Variants in PIEZO2 observed in about 807,000 individuals in gnomAD.
PIEZO2 encodes the protein piezo-type mechanosensitive ion channel component 2.
In PIEZO2, 172 loss-of-function variants were observed where a neutral mutation model predicts 337.3. The observed-to-expected ratio is 0.51, with a 90% CI of 0.45 to 0.58. The LOEUF (loss-of-function observed/expected upper bound fraction) is 0.58, where lower values mean the gene tolerates loss of function less well. PIEZO2 is among the 20% of genes least tolerant of loss of function. The pLI, the probability that PIEZO2 is intolerant of heterozygous loss-of-function variation, is 0.00. For synonymous variants in PIEZO2, 1,251 were observed against 1,228.5 expected (o/e 1.02, Z -0.38); for missense variants, 3,028 against 3,391.3 (o/e 0.89, Z 2.66).
intron 2 of PIEZO2, among the ~76,000 whole-genome samples, chr18:11,014,656 C>T (rs1347836961): frequency 6.7e-6 from 1 of 150,318 alleles, no homozygotes; most frequent in Non-Finnish European, 1.5e-5. Flanking sequence ...TCCATGACCC[C>T]CTCATTCCTC....
At chr18:11,147,008 C>T (rs1024125828) in intron 1 of PIEZO2, among the ~76,000 whole-genome samples, 7 of 152,230 alleles carry the variant, frequency 4.6e-5, no homozygotes, top group Admixed American at 3.9e-4. Context: ...AACTCGGTCA[C>T]TAGCTTCCAA....
intron 53 of PIEZO2, among the ~76,000 whole-genome samples, chr18:10,675,510 T>G (rs1029298828): frequency 6.6e-6 from 1 of 152,248 alleles, no homozygotes; most frequent in Admixed American, 6.5e-5. Flanking sequence ...CATGTAAGTC[T>G]GTACAACAAG....
At chr18:10,975,741 A>C (rs879431641) in intron 3 of PIEZO2, among the ~76,000 whole-genome samples, 1 of 152,200 alleles carries the variant, frequency 6.6e-6, no homozygotes, top group Non-Finnish European at 1.5e-5. Flanking sequence ...GAGGGTATGC[A>C]TTTTAAATGG....
In PIEZO2 at chr18:10,979,970, C is replaced by T. The variant is rs2034602388; in HGVS notation, c.161-310G>A. ...CAAAACATTTTACAAGGAAGTGCTG[C>T]CAACTTTGAAGGGACAGATAACTCC... On this transcript the variant is annotated intron_variant, in intron 2 of 55. Transcript: ENST00000674853. This position sits in a 1 kb window ranked among gnomAD's most constrained non-coding sequence, Gnocchi z 4.0. Among the ~76,000 whole-genome samples, 1 of 152,000 alleles carries T rather than the reference C, an allele frequency of 6.6e-6. No individual in the cohort carries two copies.
chr18:10,983,033 T>G (rs1326625771), intron 2 of PIEZO2, among the ~76,000 whole-genome samples: 1 of 152,064 alleles, frequency 6.6e-6, no homozygotes, highest in Non-Finnish European at 1.5e-5. Flanking sequence ...AACCATAAGT[T>G]TAAACAAACA....
chr18:10,951,053 A>C (rs971551461), intron 3 of PIEZO2, among the ~76,000 whole-genome samples: 4 of 152,146 alleles, frequency 2.6e-5, no homozygotes, highest in Admixed American at 6.5e-5. Flanking sequence ...ATTGCTCCAA[A>C]AATGTAATTC....
intron 39 of PIEZO2, among the ~76,000 whole-genome samples, 178 bp from the exon 40 acceptor site, chr18:10,708,617 C>A (rs1157029709): frequency 2.6e-5 from 4 of 152,048 alleles, no homozygotes; most frequent in Admixed American, 1.3e-4. Context: ...GTGTGCAGGA[C>A]CTTGAAACAC....
At chr18:11,122,745 T>C (rs1476878703) in intron 1 of PIEZO2, among the ~76,000 whole-genome samples, 4 of 152,136 alleles carry the variant, frequency 2.6e-5, no homozygotes, top group African/African-American at 9.6e-5. Flanking sequence ...TTGGATAAAA[T>C]TGTCTTCATC....
intron 5 of PIEZO2, among the ~76,000 whole-genome samples, chr18:10,864,900 G>A (rs2041965803): frequency 6.6e-6 from 1 of 152,230 alleles, no homozygotes; most frequent in Non-Finnish European, 1.5e-5. Context: ...AGCCCCAGGA[G>A]GACAAGAGTG....
chr18:10,737,549 C>T (rs1443352768), intron 33 of PIEZO2: 5 of 152,202 alleles, frequency 3.3e-5, no homozygotes, highest in Admixed American at 2.0e-4. Flanking sequence ...ACTCTACTGA[C>T]CACAAGACAC....
In PIEZO2 at chr18:11,110,646, T is replaced by A. The variant is rs2039702446; in HGVS notation, c.64+37879A>T. Among the ~76,000 whole-genome samples, 1 of 152,150 alleles carries A rather than the reference T, an allele frequency of 6.6e-6. No individual in the cohort carries two copies. The highest frequency in any genetic ancestry group is 1.5e-5 in the Non-Finnish European group (1 of 68,018). ...GCCGGTGAGCAGCCCCAGGCCAGGC[T>A]AGCAAGTCAGTGGCCTCTGATGCGA... On this transcript the variant is annotated intron_variant, in intron 1 of 55. Coordinates refer to ENST00000674853, the MANE Select transcript of PIEZO2 (RefSeq NM_001378183.1). The surrounding 1 kb of genome is among the most constrained non-coding windows in gnomAD (Gnocchi z 4.2).
chr18:11,059,752 T>C (rs1358886216), intron 2 of PIEZO2, among the ~76,000 whole-genome samples: 4 of 152,164 alleles, frequency 2.6e-5, no homozygotes, highest in African/African-American at 9.7e-5. Flanking sequence ...CCCAGATTCA[T>C]AAAGCAAGTC....
At chr18:10,723,888 T>G (rs1002538142) in intron 36 of PIEZO2, among the ~76,000 whole-genome samples, 1 of 152,158 alleles carries the variant, frequency 6.6e-6, no homozygotes, top group Non-Finnish European at 1.5e-5. Context: ...GAGGGTATTC[T>G]GGGGGGTACT....
In PIEZO2 at chr18:10,704,570, A is replaced by G. The variant is rs2035487843; in HGVS notation, c.6082T>C (p.Tyr2028His). Residue 2028 changes from tyrosine to histidine, a missense_variant, in exon 42 of 56, where the codon TAC (tyrosine) becomes CAC (histidine). This residue lies in a region of PIEZO2 where 1,925 missense variants were observed against 2,051.9 expected (regional missense o/e 0.94). Coordinates refer to ENST00000674853, the MANE Select transcript of PIEZO2 (RefSeq NM_001378183.1). ...TCCGAGCGGGCCACCAGGGTATTGTACATGGCATAGAAGAGCAGCAGAAAT... is the reference window on the plus strand; with the variant it reads ...TCCGAGCGGGCCACCAGGGTATTGTGCATGGCATAGAAGAGCAGCAGAAAT... ...PRFLLLFYAMYNTLVARSEMV... is the reference protein window; with the variant it reads ...PRFLLLFYAMHNTLVARSEMV... The G allele has an allele frequency of 3.9e-6, 6 of 1,537,328 alleles. No homozygotes were observed. Among genetic ancestry groups the G allele is most frequent in the Non-Finnish European group, 5.2e-6 (6 of 1,146,922 alleles).
intron 40 of PIEZO2, among the ~76,000 whole-genome samples, chr18:10,706,765 C>T (rs929889318): frequency 1.3e-5 from 2 of 152,122 alleles, no homozygotes; most frequent in Non-Finnish European, 2.9e-5. Flanking sequence ...CATCCAGCCA[C>T]GGACGGGAGA....
intron 3 of PIEZO2, among the ~76,000 whole-genome samples, chr18:10,977,412 T>G (rs1193302357): frequency 1.3e-5 from 2 of 152,064 alleles, no homozygotes; most frequent in Admixed American, 6.6e-5. Context: ...AAAAAGCCTT[T>G]TATCTGGATA....
At chr18:10,776,685 G>A (rs1023341028) in intron 18 of PIEZO2, among the ~76,000 whole-genome samples, 1 of 152,190 alleles carries the variant, frequency 6.6e-6, no homozygotes, top group African/African-American at 2.4e-5. Context: ...ATTCCCTGAG[G>A]AGTGGGAGCG....
chr18:11,124,209 T>C (rs752043764), intron 1 of PIEZO2, among the ~76,000 whole-genome samples: 3 of 152,202 alleles, frequency 2.0e-5, no homozygotes, highest in African/African-American at 4.8e-5. Context: ...TAACCTGCAG[T>C]TGAAAATGTG....
intron 1 of PIEZO2, among the ~76,000 whole-genome samples, chr18:11,090,003 G>C (rs750590439): frequency 2.0e-5 from 3 of 152,164 alleles, no homozygotes; most frequent in Non-Finnish European, 4.4e-5. Flanking sequence ...TCTAAAGTGG[G>C]CTTCACAGTA....
Sources: gnomAD v4.1 joint callset for allele counts (sites outside exome capture counted in the v4.1 genomes callset) on GRCh38, gnomAD v4.1.1 for gene constraint, gnomAD v4.1.1 regional missense constraint, Gnocchi (gnomAD v3.1) non-coding constraint, MANE v1.5 for transcripts, NCBI Gene and HGNC (gene_info 2026-07-23, HGNC 2026-07-21) for gene names.